HCN1: variants seen among roughly 807,000 people sequenced by gnomAD.
HCN1 encodes the protein hyperpolarization activated cyclic nucleotide gated potassium channel 1, also known as potassium/sodium hyperpolarization-activated cyclic nucleotide-gated channel 1.
Under a neutral mutation model 78.9 loss-of-function variants are expected in HCN1, and 13 were observed. The ratio of observed to expected loss-of-function variants is 0.16; its 90% CI spans 0.11 to 0.26. HCN1 has a LOEUF of 0.26. Ranked by LOEUF, HCN1 falls within the 10% of genes least tolerant of loss-of-function variation. The pLI is 1.00. For synonymous variants in HCN1, 552 were observed against 455.5 expected (o/e 1.21, Z -2.70); for missense variants, 810 against 1,154.3 (o/e 0.70, Z 4.32).
intron 2 of HCN1, among the ~76,000 whole-genome samples, chr5:45,473,010 G>A (rs754004452): frequency 6.6e-6 from 1 of 151,644 alleles, no homozygotes; most frequent in Non-Finnish European, 1.5e-5. Context: ...TTTTTTAATT[G>A]TTGAAAATGC....
At chr5:45,397,202 A>T (rs1195983728) in intron 3 of HCN1, among the ~76,000 whole-genome samples, 1 of 152,190 alleles carries the variant, frequency 6.6e-6, no homozygotes, top group African/African-American at 2.4e-5. Flanking sequence ...AACTTTCCTT[A>T]AATAAAAATT....
chr5:45,566,602 T>A (rs889794185), intron 2 of HCN1, among the ~76,000 whole-genome samples: 1 of 151,992 alleles, frequency 6.6e-6, no homozygotes, highest in Non-Finnish European at 1.5e-5. Context: ...CAAATGGAAA[T>A]TGATAGTAAT....
At chr5:45,309,310 A>G (rs1011920239) in intron 5 of HCN1, among the ~76,000 whole-genome samples, 6 of 152,102 alleles carry the variant, frequency 3.9e-5, no homozygotes, top group Non-Finnish European at 8.8e-5. Flanking sequence ...TGTCATTCGC[A>G]AACAGGGATA....
intron 3 of HCN1, among the ~76,000 whole-genome samples, chr5:45,449,863 T>C (rs898763943): frequency 1.1e-4 from 17 of 151,862 alleles, no homozygotes; most frequent in African/African-American, 2.4e-5. Context: ...TGAGACGGAG[T>C]CTCACACTCT....
rs148968636 is a variant in HCN1 at position 45,306,387 on chromosome 5, C to A, written c.1378-2548G>T. Among the ~76,000 whole-genome samples, 399 of 152,108 alleles carry A rather than the reference C, an allele frequency of 2.6e-3. 1 individual carries two copies. Among genetic ancestry groups the A allele is most frequent in the African/African-American group, 9.1e-3 (378 of 41,534 alleles). ...AACTTGTTAATGATACATTGCATAT[C>A]CAGGTGTTTCTGTTAGAACTCCCTT... On this transcript the variant is annotated intron_variant, in intron 5 of 7. Coordinates refer to ENST00000303230, the MANE Select transcript of HCN1 (RefSeq NM_021072.4).
chr5:45,328,094 T>TG (rs1746271640), intron 5 of HCN1, among the ~76,000 whole-genome samples: 1 of 151,626 alleles, frequency 6.6e-6, no homozygotes. Context: ...AGTATGTCGA[T>TG]GCCTGAAATC....
intron 3 of HCN1, among the ~76,000 whole-genome samples, chr5:45,420,343 G>T (rs1243415006): frequency 6.6e-6 from 1 of 152,080 alleles, no homozygotes; most frequent in African/African-American, 2.4e-5. Context: ...TAAAACATAT[G>T]ATTTATACAT....
At chr5:45,518,040 A>G (rs1235671376) in intron 2 of HCN1, among the ~76,000 whole-genome samples, 3 of 152,072 alleles carry the variant, frequency 2.0e-5, no homozygotes, top group Non-Finnish European at 4.4e-5. Flanking sequence ...GAAGCAATCA[A>G]TTGTGGTTGA....
chr5:45,310,191 T>C (rs1191143128), intron 5 of HCN1, among the ~76,000 whole-genome samples: 2 of 152,144 alleles, frequency 1.3e-5, no homozygotes, highest in African/African-American at 2.4e-5. Context: ...AAAGAGCTTC[T>C]ACACACCAAA....
At chr5:45,665,594 C>T (rs188103462) in intron 1 of HCN1, among the ~76,000 whole-genome samples, 14 of 151,748 alleles carry the variant, frequency 9.2e-5, no homozygotes, top group Admixed American at 7.9e-4. Flanking sequence ...CTTTTTGGTA[C>T]CAGAGAGATA....
intron 2 of HCN1, among the ~76,000 whole-genome samples, chr5:45,635,627 A>G (rs1250678276): frequency 1.3e-5 from 2 of 152,144 alleles, no homozygotes; most frequent in African/African-American, 4.8e-5. Context: ...TTAACTCAAA[A>G]TAGCCACCAG....
chr5:45,632,080 G>GT (rs1386733060), intron 2 of HCN1, among the ~76,000 whole-genome samples: 5 of 152,112 alleles, frequency 3.3e-5, no homozygotes, highest in Admixed American at 6.6e-5. Flanking sequence ...AATGTTGTGG[G>GT]TTTTTGCAGT....
intron 2 of HCN1, among the ~76,000 whole-genome samples, chr5:45,507,365 C>T (rs1365557173): frequency 6.6e-6 from 1 of 152,276 alleles, no homozygotes; most frequent in Middle Eastern, 3.4e-3. Flanking sequence ...GGCACCAACT[C>T]CCTCCATCTG....
intron 6 of HCN1, among the ~76,000 whole-genome samples, chr5:45,294,244 G>A (rs1362995405): frequency 2.0e-5 from 3 of 151,806 alleles, no homozygotes; most frequent in African/African-American, 7.3e-5. Flanking sequence ...TTTTCGAATC[G>A]GTGTCTCTAA....
At chr5:45,363,633 A>G (rs547161671) in intron 4 of HCN1, among the ~76,000 whole-genome samples, 2 of 152,146 alleles carry the variant, frequency 1.3e-5, no homozygotes, top group East Asian at 3.9e-4. Flanking sequence ...TATATCTCTC[A>G]GAATTCCCAT....
At chr5:45,434,244 A>AC (rs1448015313) in intron 3 of HCN1, among the ~76,000 whole-genome samples, 16 of 152,160 alleles carry the variant, frequency 1.1e-4, no homozygotes, top group Non-Finnish European at 2.2e-4. Flanking sequence ...TATAATATGC[A>AC]TTTTTATAAA....
chr5:45,628,986 A>T (rs531897524), intron 2 of HCN1, among the ~76,000 whole-genome samples: 321 of 123,802 alleles, frequency 2.6e-3, no homozygotes, highest in Non-Finnish European at 3.1e-3. Context: ...AATAAAAAAT[A>T]AAAAAAAAAA....
At chr5:45,413,034 A>C (rs993961251) in intron 3 of HCN1, among the ~76,000 whole-genome samples, 4 of 152,036 alleles carry the variant, frequency 2.6e-5, no homozygotes, top group Non-Finnish European at 5.9e-5. Flanking sequence ...GAATGATTCA[A>C]AGGGTTCTTT....
chr5:45,604,940 G>A (rs1464648857), intron 2 of HCN1, among the ~76,000 whole-genome samples: 1 of 151,920 alleles, frequency 6.6e-6, no homozygotes, highest in Non-Finnish European at 1.5e-5. Context: ...AGCAGGCAGA[G>A]TAATAAGAGG....
Sources: allele counts gnomAD v4.1 joint callset (sites outside exome capture counted in the v4.1 genomes callset), GRCh38; gene constraint gnomAD v4.1.1; transcripts MANE v1.5; gene names NCBI Gene and HGNC (gene_info 2026-07-23, HGNC 2026-07-21).